Variants in CADPS observed in about 807,000 individuals in gnomAD.
The protein encoded by CADPS is calcium-dependent secretion activator 1.
A neutral mutation model predicts 167.3 loss-of-function variants in CADPS; 57 were observed. The ratio of observed to expected loss-of-function variants is 0.34; its 90% CI spans 0.28 to 0.42. CADPS has a LOEUF of 0.42. Ranked by LOEUF, CADPS falls within the 20% of genes least tolerant of loss-of-function variation. The pLI is 1.00. For missense variants in CADPS, 1,414 were observed against 1,738.1 expected (o/e 0.81, Z 3.32); for synonymous variants, 676 against 635.3 (o/e 1.06, Z -0.96).
intron 28 of CADPS, among the ~76,000 whole-genome samples, chr3:62,435,084 T>G (rs2054722007): frequency 6.6e-6 from 1 of 152,218 alleles, no homozygotes; most frequent in African/African-American, 2.4e-5. Context: ...TAATTTGCTA[T>G]TATTCATTTT....
chr3:62,642,915 G>GACAAA (rs59057183), intron 6 of CADPS, among the ~76,000 whole-genome samples: 42,417 of 146,656 alleles, frequency 0.29, 6,565 homozygotes, highest in East Asian at 0.59. Flanking sequence ...TATCTCAAAA[G>GACAAA]ACAAAACAAA....
chr3:62,785,814 G>C (rs754989501), intron 1 of CADPS, among the ~76,000 whole-genome samples: 2 of 151,676 alleles, frequency 1.3e-5, no homozygotes, highest in African/African-American at 4.8e-5. Context: ...TGTGCATACT[G>C]TGTCTTGAGA....
chr3:62,605,262 A>AG (rs2060544177), intron 6 of CADPS, among the ~76,000 whole-genome samples: 1 of 152,118 alleles, frequency 6.6e-6, no homozygotes, highest in Non-Finnish European at 1.5e-5. Context: ...AAAAAAAAAA[A>AG]ACTGGGAGAG....
chr3:62,538,632 C>T (rs2075166152), intron 11 of CADPS, among the ~76,000 whole-genome samples: 1 of 152,190 alleles, frequency 6.6e-6, no homozygotes, highest in African/African-American at 2.4e-5. Context: ...AACTGACAAA[C>T]CGGCCGGGGC....
chr3:62,655,384 C>A (rs768514066), intron 4 of CADPS, among the ~76,000 whole-genome samples: 5 of 152,126 alleles, frequency 3.3e-5, no homozygotes, highest in Non-Finnish European at 7.4e-5. Context: ...ATTCATATTG[C>A]TTTATGAGAA....
At chr3:62,846,752 C>A (rs867960154) in intron 1 of CADPS, among the ~76,000 whole-genome samples, 5 of 152,144 alleles carry the variant, frequency 3.3e-5, no homozygotes, top group Admixed American at 3.3e-4. Context: ...CAACTTCCAC[C>A]TCCAGAGTTC....
chr3:62,733,170 T>A (rs2078264173), intron 3 of CADPS, among the ~76,000 whole-genome samples: 1 of 152,220 alleles, frequency 6.6e-6, no homozygotes, highest in Non-Finnish European at 1.5e-5. Flanking sequence ...TTACTCTGTA[T>A]GCGTTTGATC....
intron 1 of CADPS, among the ~76,000 whole-genome samples, chr3:62,866,692 G>A (rs1455254429): frequency 1.3e-5 from 2 of 152,120 alleles, no homozygotes; most frequent in Non-Finnish European, 2.9e-5. Context: ...CAAAGATATT[G>A]TAGTCTGAAA....
At chr3:62,609,789 T>C (rs2061237422) in intron 6 of CADPS, among the ~76,000 whole-genome samples, 1 of 152,106 alleles carries the variant, frequency 6.6e-6, no homozygotes, top group African/African-American at 2.4e-5. Flanking sequence ...AAAAGGCCCT[T>C]TAAAAACCCA....
chr3:62,597,069 C>T (rs1320472183), intron 6 of CADPS, among the ~76,000 whole-genome samples: 2 of 152,210 alleles, frequency 1.3e-5, no homozygotes, highest in Non-Finnish European at 2.9e-5. Context: ...AATCTCTTTG[C>T]ATGGCTGGGT....
rs139092378 is a variant in CADPS at position 62,631,856 on chromosome 3, A to G, written c.1325+13866T>C. ...TCCTAATGGTAGAAGCCGAAGAGATAGAGGTCTCCCAAAAACAAATATAGC... is the reference window on the plus strand; with the variant it reads ...TCCTAATGGTAGAAGCCGAAGAGATGGAGGTCTCCCAAAAACAAATATAGC... On this transcript the variant is annotated intron_variant, in intron 6 of 29. Transcript: ENST00000383710. 5.8e-3 allele frequency among the ~76,000 whole-genome samples: 878 copies of G among 152,342 alleles called. 10 individuals carry two copies. The highest frequency in any genetic ancestry group is 0.02 in the African/African-American group (822 of 41,586).
intron 1 of CADPS, among the ~76,000 whole-genome samples, chr3:62,867,826 A>G (rs2081981133): frequency 6.6e-6 from 1 of 152,104 alleles, no homozygotes; most frequent in South Asian, 2.1e-4. Context: ...TATTATCTCA[A>G]TTAATTTTCA....
At chr3:62,750,652 T>G (rs888592830) in intron 3 of CADPS, among the ~76,000 whole-genome samples, 1 of 152,196 alleles carries the variant, frequency 6.6e-6, no homozygotes, top group African/African-American at 2.4e-5. Context: ...ATCCTATCCT[T>G]TAGAGATAAG....
chr3:62,539,914 G>A (rs1349999878), intron 11 of CADPS, among the ~76,000 whole-genome samples: 1 of 152,134 alleles, frequency 6.6e-6, no homozygotes, highest in East Asian at 1.9e-4. Flanking sequence ...ATGATATGAG[G>A]CAGGTTGCTT....
intron 1 of CADPS, among the ~76,000 whole-genome samples, chr3:62,856,889 TAGA>T (rs1452231144): frequency 6.6e-6 from 1 of 151,116 alleles, no homozygotes; most frequent in Non-Finnish European, 1.5e-5. Context: ...CTATAAGTAG[TAGA>T]AGAAGATAGG....
intron 3 of CADPS, among the ~76,000 whole-genome samples, chr3:62,678,230 A>C (rs1196636195): frequency 6.6e-6 from 1 of 152,096 alleles, no homozygotes; most frequent in Non-Finnish European, 1.5e-5. Context: ...GAGCCGAATC[A>C]GAATAAGAGA....
intron 6 of CADPS, among the ~76,000 whole-genome samples, chr3:62,608,463 A>G (rs34140265): frequency 0.21 from 32,542 of 151,720 alleles, 4,315 homozygotes; most frequent in Non-Finnish European, 0.27. Context: ...TTGTATTTAT[A>G]GTAGACATGG....
At chr3:62,681,915 C>A (rs1432050506) in intron 3 of CADPS, among the ~76,000 whole-genome samples, 1 of 152,030 alleles carries the variant, frequency 6.6e-6, no homozygotes, top group Non-Finnish European at 1.5e-5. Flanking sequence ...AGAAAAATGG[C>A]AATTCAGGCC....
At chr3:62,692,220 AC>A (rs1158657919) in intron 3 of CADPS, among the ~76,000 whole-genome samples, 9 of 151,920 alleles carry the variant, frequency 5.9e-5, no homozygotes, top group Admixed American at 5.9e-4. Flanking sequence ...CCCAGAACTC[AC>A]CCCAAAGCTT....
Sources: allele counts gnomAD v4.1 joint callset (sites outside exome capture counted in the v4.1 genomes callset), GRCh38; gene constraint gnomAD v4.1.1; transcripts MANE v1.5; gene names NCBI Gene and HGNC (gene_info 2026-07-23, HGNC 2026-07-21).